The following SH3BGRL variants were observed in gnomAD, a reference collection of about 807,000 sequenced individuals.
SH3BGRL encodes adapter SH3BGRL.
SH3BGRL carries 7 observed loss-of-function variants against 9.8 expected under a neutral mutation model. The ratio of observed to expected loss-of-function variants is 0.72; its 90% CI spans 0.41 to 1.35. SH3BGRL has a LOEUF of 1.35. Ranked by LOEUF, SH3BGRL falls within the 40% of genes most tolerant of loss-of-function variation. The pLI, the probability that SH3BGRL is intolerant of heterozygous loss-of-function variation, is 0.01. For missense variants in SH3BGRL, 73 were observed against 84.4 expected, an observed-to-expected ratio of 0.86 and a Z score of 0.53; for synonymous variants, 36 against 29.1, an observed-to-expected ratio of 1.24 and a Z score of -0.76.
At chrX:81,236,274 A>G (rs2075647563) in intron 1 of SH3BGRL, among the ~76,000 whole-genome samples, 1 of 111,773 alleles carries the variant, frequency 8.9e-6, no homozygotes, top group African/African-American at 3.3e-5. Flanking sequence ...ATCTCAAAAA[A>G]TAAGCAATAA....
intron 3 of SH3BGRL, among the ~76,000 whole-genome samples, chrX:81,279,010 A>G (rs762997302): frequency 2.0e-4 from 23 of 112,273 alleles, no homozygotes; most frequent in African/African-American, 7.4e-4. Flanking sequence ...CTTTAAACAT[A>G]CCTTTGCCTT....
intron 1 of SH3BGRL, among the ~76,000 whole-genome samples, chrX:81,235,902 G>C (rs1393305459): frequency 9.0e-6 from 1 of 111,467 alleles, no homozygotes; most frequent in Non-Finnish European, 1.9e-5. Context: ...TACTGAACTT[G>C]TACAGTTTTC....
intron 1 of SH3BGRL, among the ~76,000 whole-genome samples, chrX:81,243,812 G>C (rs759481004): frequency 4.5e-5 from 5 of 111,114 alleles, no homozygotes; most frequent in Non-Finnish European, 7.5e-5. Flanking sequence ...ATTTATGAGG[G>C]TAAGAACTCA....
chrX:81,240,907 G>A (rs1028959235), intron 1 of SH3BGRL, among the ~76,000 whole-genome samples: 3 of 112,612 alleles, frequency 2.7e-5, no homozygotes, highest in East Asian at 2.8e-4. Context: ...ACAAGTGGGA[G>A]CCCCATCCCC....
intron 1 of SH3BGRL, among the ~76,000 whole-genome samples, chrX:81,267,432 G>C (rs1180438373): frequency 1.8e-5 from 2 of 111,796 alleles, no homozygotes; most frequent in Non-Finnish European, 3.8e-5. Context: ...GTTGAATCTT[G>C]TCAAAGGCCT....
Position 81,224,412 on chromosome X carries a change from G to A in SH3BGRL, c.45+22167G>A, listed in dbSNP as rs139233899. Among the ~76,000 whole-genome samples the A allele has an allele frequency of 8.7e-3, 969 of 111,561 alleles. 11 individuals carry two copies. The highest frequency in any genetic ancestry group is 0.03 in the African/African-American group (932 of 30,719). On this transcript the variant is annotated intron_variant, in intron 1 of 3. Transcript: ENST00000373212. ...CTCTACTTCCTAGGAATGCTAGTTA[G>A]ATTTTTAAAATGTGATTAATAGCAA... is the stretch of plus-strand genomic sequence containing the variant.
At chrX:81,265,456 G>A (rs1435679262) in intron 1 of SH3BGRL, among the ~76,000 whole-genome samples, 1 of 110,496 alleles carries the variant, frequency 9.1e-6, no homozygotes, top group African/African-American at 3.3e-5. Context: ...GAGAACATGC[G>A]GTGTTTGGTT....
At chrX:81,240,391 A>G (rs909345728) in intron 1 of SH3BGRL, among the ~76,000 whole-genome samples, 2 of 112,347 alleles carry the variant, frequency 1.8e-5, no homozygotes, top group African/African-American at 6.5e-5. Flanking sequence ...ATTTGCAAGT[A>G]TGTGGCATGC....
intron 3 of SH3BGRL, among the ~76,000 whole-genome samples, chrX:81,283,856 A>T (rs753565280): frequency 9.0e-6 from 1 of 111,376 alleles, no homozygotes; most frequent in African/African-American, 3.3e-5. Context: ...GGGCATCCAA[A>T]TTGGTAAAAA....
intron 1 of SH3BGRL, among the ~76,000 whole-genome samples, chrX:81,238,634 G>C (rs2075656537): frequency 9.0e-6 from 1 of 111,508 alleles, no homozygotes; most frequent in African/African-American, 3.3e-5. Flanking sequence ...AAAGCCCCAG[G>C]GTTTTGAGCG....
At chrX:81,252,297 G>A (rs1037804286) in intron 1 of SH3BGRL, among the ~76,000 whole-genome samples, 1 of 111,803 alleles carries the variant, frequency 8.9e-6, no homozygotes, top group Non-Finnish European at 1.9e-5. Flanking sequence ...TTTGCTGTCA[G>A]TTATACCTGT....
intron 3 of SH3BGRL, among the ~76,000 whole-genome samples, chrX:81,288,111 C>T (rs938079196): frequency 4.5e-5 from 5 of 111,445 alleles, no homozygotes; most frequent in Non-Finnish European, 7.5e-5. Context: ...AGAATTTTTT[C>T]TGGAATGCAA....
At chrX:81,278,291 G>T in intron 2 of SH3BGRL, 40 bp from the exon 3 acceptor site, 1 of 962,763 alleles carries the variant, frequency 1.0e-6, no homozygotes, top group Admixed American at 2.6e-5. Context: ...TCTTTTATTG[G>T]TTGCATATTG....
chrX:81,284,864 C>G (rs1232122166), intron 3 of SH3BGRL, among the ~76,000 whole-genome samples: 1 of 110,917 alleles, frequency 9.0e-6, no homozygotes, highest in Non-Finnish European at 1.9e-5. Context: ...GTAGTTAGAA[C>G]TGATGGGCCC....
chrX:81,210,779 A>C (rs2075560607), intron 1 of SH3BGRL, among the ~76,000 whole-genome samples: 1 of 111,940 alleles, frequency 8.9e-6, no homozygotes, highest in Non-Finnish European at 1.9e-5. Flanking sequence ...TTTCTGATGA[A>C]CTTGAAAAAC....
intron 3 of SH3BGRL, among the ~76,000 whole-genome samples, chrX:81,294,838 G>A (rs2075869293): frequency 8.9e-6 from 1 of 112,327 alleles, no homozygotes; most frequent in Non-Finnish European, 1.9e-5. Flanking sequence ...CAAGACCATG[G>A]GAACCTACCT....
At chrX:81,228,744 G>C (rs945998517) in intron 1 of SH3BGRL, among the ~76,000 whole-genome samples, 2 of 111,461 alleles carry the variant, frequency 1.8e-5, no homozygotes, top group African/African-American at 6.5e-5. Flanking sequence ...ACATTACTTT[G>C]TTCATATGTT....
chrX:81,266,543 C>T (rs1175618673), intron 1 of SH3BGRL, among the ~76,000 whole-genome samples: 1 of 111,646 alleles, frequency 9.0e-6, no homozygotes, highest in Non-Finnish European at 1.9e-5. Context: ...TCTGAGGACT[C>T]TGTTCTGTTC....
At chrX:81,249,401 A>G (rs1198903600) in intron 1 of SH3BGRL, among the ~76,000 whole-genome samples, 4 of 112,073 alleles carry the variant, frequency 3.6e-5, no homozygotes, top group African/African-American at 1.3e-4. Context: ...TAATTTCTTA[A>G]CTACAGTCTA....
Sources: gnomAD v4.1 joint callset for allele counts (sites outside exome capture counted in the v4.1 genomes callset) on GRCh38, gnomAD v4.1.1 for gene constraint, MANE v1.5 for transcripts, NCBI Gene and HGNC (gene_info 2026-07-23, HGNC 2026-07-21) for gene names.